PRIMA1: variants seen among roughly 807,000 people sequenced by gnomAD.
PRIMA1 encodes proline rich membrane anchor 1.
Under a neutral mutation model 17.5 loss-of-function variants are expected in PRIMA1, and 7 were observed. The observed-to-expected ratio is 0.40, with a 90% CI of 0.23 to 0.75. The LOEUF (loss-of-function observed/expected upper bound fraction) is 0.75. Ranked by LOEUF, PRIMA1 falls within the 30% of genes least tolerant of loss-of-function variation. The probability of loss-of-function intolerance (pLI) is 0.37; values close to 1 mark genes in which losing one functional copy is unlikely to be tolerated. For synonymous variants in PRIMA1, 97 were observed against 77.9 expected (o/e 1.25, Z -1.29); for missense variants, 200 against 201.8 (o/e 0.99, Z 0.05).
At position 93,726,682 on chromosome 14, in the gene PRIMA1, CAT is replaced by C. The variant is rs1272919553; in HGVS notation, c.360-5138_360-5137del. Among the ~76,000 whole-genome samples, 30 of 152,106 alleles carry C rather than the reference CAT, an allele frequency of 2.0e-4. No individual in the cohort carries two copies. Among genetic ancestry groups the C allele is most frequent in the East Asian group, 1.9e-4 (1 of 5,196 alleles). ...TACAATATACACATACACATAGACA[CAT>C]GTACATATGCACAAACCCATACAAA... On this transcript the variant is annotated intron_variant, in intron 4 of 4. Transcript: ENST00000393140. The surrounding 1 kb of genome is among the most constrained non-coding windows in gnomAD (Gnocchi z 4.2).
chr14:93,725,450 C>T (rs1261270770), intron 4 of PRIMA1, among the ~76,000 whole-genome samples: 4 of 152,150 alleles, frequency 2.6e-5, no homozygotes, highest in Admixed American at 1.3e-4. Flanking sequence ...GACGGCTCCA[C>T]CTCTGCACCC....
chr14:93,725,246 A>AG (rs2076067373), intron 4 of PRIMA1, among the ~76,000 whole-genome samples: 1 of 150,440 alleles, frequency 6.6e-6, no homozygotes. Flanking sequence ...GGCCCCAGAC[A>AG]GGAGCATTCG....
At chr14:93,730,916 AT>A in intron 4 of PRIMA1, among the ~76,000 whole-genome samples, 1 of 152,298 alleles carries the variant, frequency 6.6e-6, no homozygotes, top group African/African-American at 2.4e-5. Flanking sequence ...GAGGAGCCAT[AT>A]TGGGATCATC....
chr14:93,723,507 G>A (rs930908159), intron 4 of PRIMA1, among the ~76,000 whole-genome samples: 2 of 152,188 alleles, frequency 1.3e-5, no homozygotes, highest in African/African-American at 4.8e-5. Flanking sequence ...TACACACTGA[G>A]CTCAGTCTGG....
rs1258076745 is a variant in PRIMA1, at chr14:93,726,277, C to T, written c.360-4731G>A. On this transcript the variant is annotated intron_variant, in intron 4 of 4. Coordinates refer to ENST00000393140, the MANE Select transcript of PRIMA1 (RefSeq NM_178013.4). This position sits in a 1 kb window ranked among gnomAD's most constrained non-coding sequence, Gnocchi z 4.2. Reference sequence around the variant, plus strand: ...CAGGACCCAGGTACCCCTCTTAGGCCCTGCTGATCATGATGTGACAGCCTC... The same window carrying T: ...CAGGACCCAGGTACCCCTCTTAGGCTCTGCTGATCATGATGTGACAGCCTC... Among the ~76,000 whole-genome samples, 2 of 152,162 alleles carry T rather than the reference C, an allele frequency of 1.3e-5. No homozygotes were observed. The highest frequency in any genetic ancestry group is 2.9e-5 in the Non-Finnish European group (2 of 68,020).
intron 4 of PRIMA1, among the ~76,000 whole-genome samples, chr14:93,732,870 C>A (rs780793661): frequency 2.6e-5 from 4 of 152,188 alleles, no homozygotes; most frequent in Admixed American, 6.5e-5. Context: ...GGACTTGACT[C>A]CCAGTTCTGG....
At chr14:93,748,859 T>C (rs1329693476) in intron 3 of PRIMA1, among the ~76,000 whole-genome samples, 2 of 151,626 alleles carry the variant, frequency 1.3e-5, no homozygotes, top group Non-Finnish European at 2.9e-5. Context: ...TGTGCCTAAT[T>C]AGGAAAGGAA....
At chr14:93,735,282 C>T (rs2076142485) in intron 4 of PRIMA1, among the ~76,000 whole-genome samples, 1 of 152,198 alleles carries the variant, frequency 6.6e-6, no homozygotes, top group Admixed American at 6.5e-5. Context: ...CGGGCAAAGT[C>T]ACCACTCAGC....
At chr14:93,722,607 T>C (rs535817438) in intron 4 of PRIMA1, among the ~76,000 whole-genome samples, 147 of 151,598 alleles carry the variant, frequency 9.7e-4, no homozygotes, top group African/African-American at 3.2e-3. Flanking sequence ...GGTGGTTATA[T>C]GGTGGTGGAG....
At chr14:93,737,149 T>C (rs753524754) in intron 4 of PRIMA1, 92 bp downstream of exon 4, 13 of 1,283,236 alleles carry the variant, frequency 1.0e-5, no homozygotes, top group Admixed American at 2.3e-5. Context: ...ACTTTTATAA[T>C]TTAAAATAAT....
chr14:93,770,353 T>A (rs1885022588), intron 3 of PRIMA1, among the ~76,000 whole-genome samples: 1 of 152,270 alleles, frequency 6.6e-6, no homozygotes, highest in South Asian at 2.1e-4. Context: ...CCAAACTCCT[T>A]CTCTAGCCTC....
rs764026 is a variant in PRIMA1, at chr14:93,768,327, C to T, written c.229+10849G>A. Among the ~76,000 whole-genome samples, 13 of 152,290 alleles carry T rather than the reference C, an allele frequency of 8.5e-5. No individual in the cohort carries two copies. In the South Asian group the frequency reaches 1.9e-3, roughly 22 times the overall value. On this transcript the variant is annotated intron_variant, in intron 3 of 4. Coordinates refer to ENST00000393140, the MANE Select transcript of PRIMA1 (RefSeq NM_178013.4). ...AGGTGCACTGTCCTCCCCACCTCTTCGCCTGCAACTCCCCCAGTCTTTTGG... is the reference window on the plus strand; with the variant it reads ...AGGTGCACTGTCCTCCCCACCTCTTTGCCTGCAACTCCCCCAGTCTTTTGG...
chr14:93,787,042 C>A (rs1885545920), intron 2 of PRIMA1, among the ~76,000 whole-genome samples: 1 of 152,112 alleles, frequency 6.6e-6, no homozygotes, highest in Non-Finnish European at 1.5e-5. Flanking sequence ...TAGGGACCAC[C>A]CCATTGAAAC....
At chr14:93,748,879 T>A (rs2076243516) in intron 3 of PRIMA1, among the ~76,000 whole-genome samples, 1 of 152,064 alleles carries the variant, frequency 6.6e-6, no homozygotes, top group Non-Finnish European at 1.5e-5. Flanking sequence ...AAATTATGAA[T>A]CGGGCTTATG....
At chr14:93,765,104 CAATT>C (rs1167066728) in intron 3 of PRIMA1, among the ~76,000 whole-genome samples, 2 of 152,032 alleles carry the variant, frequency 1.3e-5, no homozygotes, top group Non-Finnish European at 2.9e-5. Context: ...GATCACCTCT[CAATT>C]AACCACTAGT....
intron 4 of PRIMA1, among the ~76,000 whole-genome samples, chr14:93,732,825 C>A (rs561260015): frequency 6.6e-6 from 1 of 152,114 alleles, no homozygotes; most frequent in Non-Finnish European, 1.5e-5. Flanking sequence ...CAGCTGAGCC[C>A]GGCGGGGCTG....
chr14:93,732,884 C>T (rs980644828), intron 4 of PRIMA1, among the ~76,000 whole-genome samples: 1 of 152,164 alleles, frequency 6.6e-6, no homozygotes, highest in Non-Finnish European at 1.5e-5. Context: ...GTTCTGGGCT[C>T]TTTTAACAAA....
chr14:93,738,836 G>A (rs1045303465), intron 3 of PRIMA1, among the ~76,000 whole-genome samples: 8 of 152,036 alleles, frequency 5.3e-5, no homozygotes, highest in Non-Finnish European at 1.2e-4. Context: ...TCCCACCCTG[G>A]GGCAACCACT....
At chr14:93,748,745 G>C (rs1186803264) in intron 3 of PRIMA1, among the ~76,000 whole-genome samples, 3 of 152,170 alleles carry the variant, frequency 2.0e-5, no homozygotes, top group Admixed American at 2.0e-4. Context: ...CAGTGTGGTG[G>C]CAGATTGGCT....
Sources: gnomAD v4.1 joint callset for allele counts (sites outside exome capture counted in the v4.1 genomes callset) on GRCh38, gnomAD v4.1.1 for gene constraint, Gnocchi (gnomAD v3.1) non-coding constraint, MANE v1.5 for transcripts, NCBI Gene and HGNC (gene_info 2026-07-23, HGNC 2026-07-21) for gene names.